SUCO: variants seen among roughly 807,000 people sequenced by gnomAD.
The protein encoded by SUCO is SUN domain containing ossification factor.
Under a neutral mutation model 148.1 loss-of-function variants are expected in SUCO, and 57 were observed. That is an observed-to-expected ratio of 0.38 (90% CI 0.31 to 0.48). SUCO has a LOEUF of 0.48. SUCO is among the 20% of genes least tolerant of loss of function. The pLI, the probability that SUCO is intolerant of heterozygous loss-of-function variation, is 0.96. For missense variants in SUCO, 1,331 were observed against 1,468.2 expected (o/e 0.91, Z 1.53); for synonymous variants, 470 against 502.7 (o/e 0.93, Z 0.87).
chr1:172,569,328 TTA>T, intron 7 of SUCO, 186 bp downstream of exon 7: 2 of 878,868 alleles, frequency 2.3e-6, no homozygotes, highest in Non-Finnish European at 2.7e-6. Flanking sequence ...ACATACAGTT[TTA>T]GTTTTAATTA....
In SUCO at chr1:172,609,853, C is replaced by A. The variant is rs1164757147; in HGVS notation, c.3359C>A (p.Thr1120Asn). Residue 1120 changes from threonine to asparagine, a missense_variant, in exon 24 of 24, where the codon ACC (threonine) becomes AAC (asparagine). This residue lies in a region of SUCO where 334 missense variants were observed against 352.3 expected (regional missense o/e 0.95). Coordinates refer to ENST00000263688, the MANE Select transcript of SUCO (RefSeq NM_014283.5). ...RCKYKIEKIE[T>N]IKPEEPLHPI... ...AAGTACAAAATTGAAAAAATTGAGA[C>A]CATAAAGCCTGAAGAACCATTGCAC... 4 of 1,607,880 alleles carry A rather than the reference C, an allele frequency of 2.5e-6. No individual in the cohort carries two copies. The highest frequency in any genetic ancestry group is 2.7e-5 in the African/African-American group (2 of 74,324).
chr1:172,575,272 A>G (rs1453342025), intron 10 of SUCO, among the ~76,000 whole-genome samples: 1 of 151,934 alleles, frequency 6.6e-6, no homozygotes, highest in Non-Finnish European at 1.5e-5. Context: ...CCCAAACCCC[A>G]AGAAGTGGTA....
upstream of SUCO, chr1:172,532,804 C>G: frequency 6.2e-7 from 1 of 1,605,686 alleles, no homozygotes; most frequent in Middle Eastern, 1.7e-4. Flanking sequence ...GAAGGGCGGT[C>G]CACTGTAAGG....
chr1:172,609,466 A>G (rs1262092268), intron 23 of SUCO: 2 of 909,070 alleles, frequency 2.2e-6, no homozygotes, highest in East Asian at 2.4e-4. Context: ...TTAAGAATCA[A>G]GGATAAAATA....
intron 20 of SUCO, among the ~76,000 whole-genome samples, chr1:172,601,446 C>G (rs182651836): frequency 6.6e-6 from 1 of 150,492 alleles, no homozygotes; most frequent in East Asian, 1.9e-4. Flanking sequence ...TTGCAATAAG[C>G]CAAGGTCACA....
At chr1:172,541,762 A>C in intron 1 of SUCO, 1 of 547,110 alleles carries the variant, frequency 1.8e-6, no homozygotes, top group Non-Finnish European at 2.3e-6. Context: ...GCTGTATCCT[A>C]TACAGGATTC....
In SUCO at chr1:172,551,595, T is replaced by C. The variant is rs992627441; in HGVS notation, c.146T>C (p.Leu49Pro). 2.5e-6 allele frequency: 4 copies of C among 1,608,148 alleles called. No homozygotes were observed. In the African/African-American group the frequency reaches 5.4e-5, roughly 22 times the overall value. ...SYYSQDDNCA[L>P]ENEDVQFQKK... Reference sequence around the variant, plus strand: ...TACTCTCAAGATGACAACTGCGCACTAGAAAATGAAGATGTACAATTCCAG... The same window carrying C: ...TACTCTCAAGATGACAACTGCGCACCAGAAAATGAAGATGTACAATTCCAG... The change falls in exon 2 of 24, where the codon CTA becomes CCA. Residue 49 changes from leucine to proline, a missense_variant. Physicochemically the swap from Leu to Pro is moderately conservative, Grantham distance 98. Around this residue, in one of 3 missense-constraint regions of SUCO, gnomAD observed 992 missense variants for 1,093.5 expected, o/e 0.91. Transcript: ENST00000263688.
chr1:172,578,500 G>T, intron 14 of SUCO, 111 bp downstream of exon 14: 3 of 1,375,724 alleles, frequency 2.2e-6, no homozygotes, highest in South Asian at 1.8e-5. Flanking sequence ...TTGTCTTCAG[G>T]CTTTTGTTTT....
upstream of SUCO, chr1:172,532,642 C>T (rs1651670027): frequency 6.2e-7 from 1 of 1,613,876 alleles, no homozygotes; most frequent in Non-Finnish European, 8.5e-7. Context: ...GCAACAGTTC[C>T]AAAGCTGATC....
At chr1:172,578,524 C>CGATT in intron 14 of SUCO, 135 bp downstream of exon 14, 1 of 1,373,318 alleles carries the variant, frequency 7.3e-7, no homozygotes, top group Non-Finnish European at 9.4e-7. Flanking sequence ...GTTTTTAACT[C>CGATT]TAATCAACTT....
At chr1:172,591,549 GATAGTT>G (rs1656675089) in intron 19 of SUCO, among the ~76,000 whole-genome samples, 1 of 151,458 alleles carries the variant, frequency 6.6e-6, no homozygotes, top group Non-Finnish European at 1.5e-5. Flanking sequence ...CTGTCCTTGT[GATAGTT>G]TGCTCAGAAT....
intron 1 of SUCO, among the ~76,000 whole-genome samples, chr1:172,547,322 C>T (rs1013869548): frequency 6.6e-6 from 1 of 152,112 alleles, no homozygotes; most frequent in Non-Finnish European, 1.5e-5. Flanking sequence ...TCCAGGTTTT[C>T]GCTATTAGGA....
Position 172,611,773 on chromosome 1 carries a change from A to C in SUCO, c.*1514A>C, listed in dbSNP as rs1238458269. Reference sequence around the variant, plus strand: ...GAGAATTTTCAATATGTAACTACGGAGCTGTAGTGCCATTAGAAACTGTGA... The same window carrying C: ...GAGAATTTTCAATATGTAACTACGGCGCTGTAGTGCCATTAGAAACTGTGA... On this transcript the variant is annotated 3_prime_UTR_variant, in exon 24 of 24. Transcript: ENST00000263688. 1 of 152,642 alleles carries C rather than the reference A, an allele frequency of 6.6e-6. No homozygotes were observed. Among genetic ancestry groups the C allele is most frequent in the African/African-American group, 2.4e-5 (1 of 41,456 alleles). The allele number at this position is 152,642 out of a possible 1,614,324, so 9.5% of individuals were successfully genotyped here.
rs758355569 is a variant in SUCO at position 172,589,617 on chromosome 1, G to A, written c.2516G>A (p.Gly839Glu). ...GCCACTGTACCCGACAATGAAGATG[G>A]GGAAGCCAAAATGAATATAGCTGAC... Reference protein sequence around the residue: ...NTATVPDNEDGEAKMNIADTA... With the variant: ...NTATVPDNEDEEAKMNIADTA... Residue 839 changes from glycine (G) to glutamate (E), a missense_variant, in exon 18 of 24, where the codon GGG (glycine) becomes GAG (glutamate). By Grantham distance (98) the Gly-to-Glu change is moderately conservative (BLOSUM62 -2). This residue lies in a region of SUCO where 992 missense variants were observed against 1,093.5 expected (regional missense o/e 0.91). Coordinates refer to ENST00000263688, the MANE Select transcript of SUCO (RefSeq NM_014283.5). 1 of 1,613,708 alleles carries A rather than the reference G, an allele frequency of 6.2e-7. No homozygotes were observed. Among genetic ancestry groups the A allele is most frequent in the African/African-American group, 1.3e-5 (1 of 74,878 alleles).
chr1:172,547,894 TGGGAGAGAGGGAACAGA>T (rs1333378773), intron 1 of SUCO, among the ~76,000 whole-genome samples: 1 of 152,092 alleles, frequency 6.6e-6, no homozygotes, highest in Admixed American at 6.5e-5. Context: ...GGTAAGTTAC[TGGGAGAGAGGGAACAGA>T]GGGAGAGAGG....
At chr1:172,579,371 C>A in intron 15 of SUCO, 104 bp downstream of exon 15, 2 of 638,244 alleles carry the variant, frequency 3.1e-6, no homozygotes, top group South Asian at 2.2e-5. Context: ...CAGTGTTGAA[C>A]TTTGAGTTGA....
chr1:172,592,218 C>T (rs1337961687), intron 19 of SUCO, among the ~76,000 whole-genome samples: 1 of 152,178 alleles, frequency 6.6e-6, no homozygotes, highest in African/African-American at 2.4e-5. Context: ...TTCTCCCATT[C>T]TGTAGGTTGC....
At chr1:172,570,277 T>C (rs1037973030) in intron 8 of SUCO, 106 bp downstream of exon 8, 1 of 620,722 alleles carries the variant, frequency 1.6e-6, no homozygotes, top group Non-Finnish European at 2.6e-6. Context: ...GATATTTTCC[T>C]TATTCACTAA....
intron 6 of SUCO, among the ~76,000 whole-genome samples, chr1:172,561,352 A>G (rs1654137402): frequency 6.6e-6 from 1 of 152,088 alleles, no homozygotes; most frequent in Admixed American, 6.5e-5. Context: ...TGCTGTGGTT[A>G]GTTAGGAGGT....
Sources: allele counts gnomAD v4.1 joint callset (sites outside exome capture counted in the v4.1 genomes callset), GRCh38; gene constraint gnomAD v4.1.1; regional missense constraint gnomAD v4.1.1; transcripts MANE v1.5; gene names NCBI Gene and HGNC (gene_info 2026-07-23, HGNC 2026-07-21).